The following MRE11 variants were observed in gnomAD, a reference collection of about 807,000 sequenced individuals.
MRE11 encodes double-strand break repair protein MRE11.
MRE11 carries 62 observed loss-of-function variants against 91.7 expected under a neutral mutation model. The ratio of observed to expected loss-of-function variants is 0.68; its 90% CI spans 0.55 to 0.84. The LOEUF is 0.84. Among genes scored for constraint, MRE11 ranks in the 40% least tolerant of loss-of-function variants. MRE11 has a pLI of 0.00. For missense variants in MRE11, 796 were observed against 852.9 expected, an observed-to-expected ratio of 0.93 and a Z score of 0.83; for synonymous variants, 273 against 271.4, an observed-to-expected ratio of 1.01 and a Z score of -0.06.
At chr11:94,425,172 G>C (rs548486262) in intron 19 of MRE11, among the ~76,000 whole-genome samples, 1 of 152,180 alleles carries the variant, frequency 6.6e-6, no homozygotes, top group Non-Finnish European at 1.5e-5. Flanking sequence ...TTACAAGCCA[G>C]AAGAGACTGG....
chr11:94,472,570 GC>G (rs1422173649), intron 7 of MRE11, among the ~76,000 whole-genome samples: 10 of 152,094 alleles, frequency 6.6e-5, no homozygotes, highest in African/African-American at 1.7e-4. Flanking sequence ...AACAAGCAAT[GC>G]AGGTTGAGTC....
rs104895011 is a variant in MRE11, at chr11:94,419,911, A to C, written c.*214T>G. The C allele has an allele frequency of 5.0e-6, 2 of 401,248 alleles. No individual in the cohort carries two copies. 24.9% of individuals were successfully genotyped at this position (401,248 alleles called of 1,614,324 possible). A position where few individuals can be genotyped will look rare whatever the true frequency, so the allele number is the denominator to read the frequency against. ...AAATGGTAGCTTTATTTTAATCTTT[A>C]CTCAAGAGTGATATTGAAACAAAGC... On this transcript the variant is annotated 3_prime_UTR_variant, in exon 20 of 20. Coordinates refer to ENST00000323929, the MANE Select transcript of MRE11 (RefSeq NM_005591.4).
At chr11:94,479,553 T>C (rs1946960879) in intron 5 of MRE11, 121 bp downstream of exon 5, 2 of 819,734 alleles carry the variant, frequency 2.4e-6, no homozygotes, top group Non-Finnish European at 4.0e-6. Context: ...ATGTGAAAAG[T>C]CAACTTGACT....
Position 94,447,325 on chromosome 11 carries a change from A to G in MRE11, c.1677T>C (p.Asp559=), listed in dbSNP as rs1193580293. The change falls in exon 15 of 20, where the codon GAT becomes GAC. Residue 559 remains aspartate, a synonymous_variant. Coordinates refer to ENST00000323929, the MANE Select transcript of MRE11 (RefSeq NM_005591.4). ...DLAEQMANDS[D]DSISAATNKG... is the part of the protein sequence containing the mutation. Reference sequence around the variant, plus strand: ...TGTTGGTTGCTGCTGAGATGCTATCATCAGAGTCATTAGCCATCTGTTCTG... The same window carrying G: ...TGTTGGTTGCTGCTGAGATGCTATCGTCAGAGTCATTAGCCATCTGTTCTG... 2 of 1,614,072 alleles carry G rather than the reference A, an allele frequency of 1.2e-6. No homozygotes were observed. Among genetic ancestry groups the G allele is most frequent in the Non-Finnish European group, 1.7e-6 (2 of 1,180,008 alleles).
intron 18 of MRE11, 42 bp downstream of exon 18, chr11:94,435,789 AT>A: frequency 6.5e-7 from 1 of 1,544,264 alleles, no homozygotes. Context: ...ATAATTTTTA[AT>A]TTTTTTCAGA....
rs1437302484 is a variant in MRE11 at position 94,419,655 on chromosome 11, TTCTAA to T, written c.*465_*469del. 4.3e-6 allele frequency: 1 copy of T among 234,528 alleles called. No individual in the cohort carries two copies. Among genetic ancestry groups the T allele is most frequent in the Non-Finnish European group, 8.4e-6 (1 of 119,136 alleles). The allele number at this position is 234,528 out of a possible 1,614,324, so 14.5% of individuals were successfully genotyped here. On this transcript the variant is annotated 3_prime_UTR_variant, in exon 20 of 20. Coordinates refer to ENST00000323929, the MANE Select transcript of MRE11 (RefSeq NM_005591.4). ...CATATCTGTTCAAACTATTAGGTAC[TTCTAA>T]TCATTTAGTCTTATAAGAAGCATTG...
chr11:94,436,764 C>T (rs974009586), intron 17 of MRE11, among the ~76,000 whole-genome samples: 12 of 152,184 alleles, frequency 7.9e-5, no homozygotes, highest in African/African-American at 2.7e-4. Context: ...TGGACTCCAG[C>T]CTTTTCATTC....
At chr11:94,482,179 G>A (rs1947029145) in intron 4 of MRE11, among the ~76,000 whole-genome samples, 2 of 152,232 alleles carry the variant, frequency 1.3e-5, no homozygotes, top group East Asian at 1.9e-4. Context: ...TCTTTATGCT[G>A]GTCACTACTC....
upstream of MRE11, chr11:94,498,416 C>A (rs757456453): frequency 5.0e-6 from 8 of 1,613,452 alleles, no homozygotes; most frequent in Non-Finnish European, 5.1e-6. Context: ...TTACGTCAAA[C>A]CAGGGCTGAA....
At chr11:94,450,996 A>G (rs1946086769) in intron 14 of MRE11, among the ~76,000 whole-genome samples, 1 of 151,836 alleles carries the variant, frequency 6.6e-6, no homozygotes, top group Admixed American at 6.6e-5. Context: ...AGAGGCTCAC[A>G]TCTCTAATAC....
rs10831229 is a variant in MRE11, at chr11:94,452,297, T to C, written c.1563+3979A>G. On this transcript the variant is annotated intron_variant, in intron 14 of 19. Coordinates refer to ENST00000323929, the MANE Select transcript of MRE11 (RefSeq NM_005591.4). ...GTTTCATATAAATACAAATGATTTATAAACATAAAAATTAGGCAGACTCAT... is the reference window on the plus strand; with the variant it reads ...GTTTCATATAAATACAAATGATTTACAAACATAAAAATTAGGCAGACTCAT... Among the ~76,000 whole-genome samples, 410 of 151,518 alleles carry C rather than the reference T, an allele frequency of 2.7e-3. 4 individuals carry two copies. The highest frequency in any genetic ancestry group is 9.5e-3 in the African/African-American group (391 of 41,256).
chr11:94,470,583 T>G lies in MRE11; in HGVS notation c.905A>C (p.His302Pro), dbSNP rs587782042. 2.4e-5 allele frequency: 39 copies of G among 1,613,274 alleles called. No individual in the cohort carries two copies. In the South Asian group the frequency reaches 4.2e-4, roughly 17 times the overall value. ...CTCCATGAAAAACTGCCGCACTGTGTGAAGAGGAATTTTATGCATATTCAT... is the reference window on the plus strand; with the variant it reads ...CTCCATGAAAAACTGCCGCACTGTGGGAAGAGGAATTTTATGCATATTCAT... Reference protein sequence around the residue: ...RKMNMHKIPLHTVRQFFMEDI... With the variant: ...RKMNMHKIPLPTVRQFFMEDI... The change falls in exon 9 of 20, where the codon CAC becomes CCC. Residue 302 changes from histidine (H) to proline (P), a missense_variant. His to Pro is a moderately conservative substitution (Grantham distance 77). Coordinates refer to ENST00000323929, the MANE Select transcript of MRE11 (RefSeq NM_005591.4).
At chr11:94,498,789 G>C (rs1947454066), upstream of MRE11, 1 of 441,640 alleles carries the variant, frequency 2.3e-6, no homozygotes, top group South Asian at 3.1e-5. Context: ...TTAAAAACTT[G>C]ACACGGGTTG....
intron 19 of MRE11, among the ~76,000 whole-genome samples, chr11:94,425,198 A>C (rs1945279214): frequency 6.6e-6 from 1 of 152,186 alleles, no homozygotes; most frequent in South Asian, 2.1e-4. Context: ...TATTTTCTGC[A>C]TCCTTAAAGA....
In MRE11 at chr11:94,470,468, T is replaced by C; in HGVS notation, c.1017+3A>G. 1 of 1,612,354 alleles carries C rather than the reference T, an allele frequency of 6.2e-7. No homozygotes were observed. Among genetic ancestry groups the C allele is most frequent in the Non-Finnish European group, 8.5e-7 (1 of 1,178,770 alleles). Reference sequence around the variant, plus strand: ...TCTCATTGACTTTATCAAAAAGAATTACCTTCTCCAAACAGAAGCTTTGTA... The same window carrying C: ...TCTCATTGACTTTATCAAAAAGAATCACCTTCTCCAAACAGAAGCTTTGTA... On this transcript the variant is annotated splice_donor_region_variant and intron_variant, in intron 9 of 19. Transcript: ENST00000323929.
chr11:94,438,232 T>C (rs1435661927), intron 16 of MRE11, among the ~76,000 whole-genome samples: 1 of 152,296 alleles, frequency 6.6e-6, no homozygotes, highest in South Asian at 2.1e-4. Context: ...ATATCAAAAA[T>C]ATCTTCCCCA....
At chr11:94,454,012 T>C (rs1164433787) in intron 14 of MRE11, among the ~76,000 whole-genome samples, 1 of 152,028 alleles carries the variant, frequency 6.6e-6, no homozygotes, top group African/African-American at 2.4e-5. Context: ...TTTGCTCTTT[T>C]ATTCAAATAT....
upstream of MRE11, among the ~76,000 whole-genome samples, chr11:94,496,145 G>A (rs1478687775): frequency 6.6e-6 from 1 of 152,154 alleles, no homozygotes; most frequent in African/African-American, 2.4e-5. Context: ...TGGAACAGAT[G>A]TCCTTTTGGG....
chr11:94,511,501 T>TA, the MRE11 span, among the ~76,000 whole-genome samples: 3 of 152,200 alleles, frequency 2.0e-5, no homozygotes, highest in Admixed American at 2.0e-4. Context: ...AATTTATCTA[T>TA]AATGGGAGTA....
Sources: allele counts gnomAD v4.1 joint callset (sites outside exome capture counted in the v4.1 genomes callset), GRCh38; gene constraint gnomAD v4.1.1; transcripts MANE v1.5; gene names NCBI Gene and HGNC (gene_info 2026-07-23, HGNC 2026-07-21).